The following RASSF3 variants were observed in gnomAD, a reference collection of about 807,000 sequenced individuals.
RASSF3 encodes ras association domain-containing protein 3.
A neutral mutation model predicts 19.9 loss-of-function variants in RASSF3; 19 were observed. The observed-to-expected ratio is 0.96, with a 90% CI of 0.67 to 1.40. RASSF3 has a LOEUF of 1.40. RASSF3 is among the 40% of genes most tolerant of loss of function. The pLI, the probability that RASSF3 is intolerant of heterozygous loss-of-function variation, is 0.00. For missense variants in RASSF3, 306 were observed against 289.8 expected (o/e 1.06, Z -0.41); for synonymous variants, 110 against 104.2 (o/e 1.06, Z -0.34).
intron 1 of RASSF3, among the ~76,000 whole-genome samples, chr12:64,631,871 G>A (rs1871181088): frequency 6.6e-6 from 1 of 152,034 alleles, no homozygotes; most frequent in Admixed American, 6.6e-5. Flanking sequence ...CACCATACCC[G>A]GCCTGTTTTT....
In RASSF3 at chr12:64,694,939, G is replaced by A. The variant is rs765788681; in HGVS notation, c.*27G>A. 6.2e-6 allele frequency: 10 copies of A among 1,608,854 alleles called. No individual in the cohort carries two copies. The highest frequency in any genetic ancestry group is 5.1e-5 in the Admixed American group (3 of 59,256). The stretch of plus-strand genomic sequence containing the variant: ...GCGGGGCTCCCTGCCCGTGAGGCCC[G>A]GTGCAGGACCGATGTACAAAACAGC... On this transcript the variant is annotated 3_prime_UTR_variant, in exon 5 of 5. Coordinates refer to ENST00000542104, the MANE Select transcript of RASSF3 (RefSeq NM_178169.4).
upstream of RASSF3, among the ~76,000 whole-genome samples, chr12:64,608,987 C>T (rs1334826136): frequency 2.0e-5 from 3 of 152,132 alleles, no homozygotes; most frequent in Non-Finnish European, 4.4e-5. Context: ...AAAGGCCCTC[C>T]TTCTGGAGTT....
rs1868330708 is a variant in RASSF3, at chr12:64,694,808, T to G, written c.613T>G (p.Leu205Val). The change falls in exon 5 of 5, where the codon TTG becomes GTG. Residue 205 changes from leucine to valine, a missense_variant. Transcript: ENST00000542104. ...AGAACTACAGAATTTCTTGCGCATC[T>G]TGGACAAGGAAGAAGATGAACAGCT... is the stretch of plus-strand genomic sequence containing the variant. ...LPELQNFLRILDKEEDEQLQN... is the reference protein window; with the variant it reads ...LPELQNFLRIVDKEEDEQLQN... 1 of 1,614,206 alleles carries G rather than the reference T, an allele frequency of 6.2e-7. No individual in the cohort carries two copies.
In RASSF3 at chr12:64,696,085, T is replaced by TCCTCCCTCCCTCCCTCCCTC. The variant is rs1254557437; in HGVS notation, c.*1191_*1210dup. The TCCTCCCTCCCTCCCTCCCTC allele has an allele frequency of 3.2e-5, 1 of 31,740 alleles. No homozygotes were observed. The highest frequency in any genetic ancestry group is 7.3e-5 in the Non-Finnish European group (1 of 13,642). 2.0% of individuals were successfully genotyped at this position (31,740 alleles called of 1,614,324 possible). ...TGTCTCCCACCCTACCTTGTTCTTT[T>TCCTCCCTCCCTCCCTCCCTC]CCTCCCTCCCTCCCTCCCTCCCTCC... is the stretch of plus-strand genomic sequence containing the variant. On this transcript the variant is annotated 3_prime_UTR_variant, in exon 5 of 5. Transcript: ENST00000542104.
At chr12:64,530,702 C>T (rs1868690425), upstream of RASSF3, among the ~76,000 whole-genome samples, 1 of 152,312 alleles carries the variant, frequency 6.6e-6, no homozygotes, top group South Asian at 2.1e-4. Flanking sequence ...AGAAAAAGTT[C>T]CAGTTGCTCC....
chr12:64,585,409 A>G (rs1414687249), intron 2 of RASSF3, among the ~76,000 whole-genome samples: 1 of 152,080 alleles, frequency 6.6e-6, no homozygotes, highest in Non-Finnish European at 1.5e-5. Context: ...ATCCAAGACC[A>G]TAAAGATTTC....
At position 64,510,952 on chromosome 12, in the gene RASSF3, T is replaced by C. The variant is rs115745036; in HGVS notation, c.169+3623T>C. The stretch of plus-strand genomic sequence containing the variant: ...GTGGGACTTCAGAGTCAGACCTGGC[T>C]TGTGCTACTGAGAGCTGTGTGACTT... On this transcript the variant is annotated intron_variant, in intron 1 of 5. Coordinates refer to the RASSF3 transcript ENST00000637125. Among the ~76,000 whole-genome samples the C allele has an allele frequency of 6.6e-3, 1,007 of 152,310 alleles. 14 individuals carry two copies. The highest frequency in any genetic ancestry group is 0.023 in the African/African-American group (962 of 41,558).
upstream of RASSF3, among the ~76,000 whole-genome samples, chr12:64,531,195 C>T (rs574860140): frequency 5.3e-5 from 8 of 152,246 alleles, no homozygotes; most frequent in East Asian, 3.9e-4. Context: ...TTTAGCCTTA[C>T]GATCTACTTT....
At chr12:64,679,924 G>A (rs1009401048) in intron 1 of RASSF3, among the ~76,000 whole-genome samples, 1 of 152,174 alleles carries the variant, frequency 6.6e-6, no homozygotes, top group African/African-American at 2.4e-5. Flanking sequence ...ACAGACGGCT[G>A]CGCCCCATGC....
chr12:64,516,544 G>A (rs1271329515), intron 1 of RASSF3, among the ~76,000 whole-genome samples: 4 of 150,086 alleles, frequency 2.7e-5, no homozygotes, highest in Admixed American at 1.3e-4. Flanking sequence ...GCGTGAACCC[G>A]GGAGGCGGAG....
intron 1 of RASSF3, among the ~76,000 whole-genome samples, chr12:64,616,148 C>T (rs1248555775): frequency 1.3e-5 from 2 of 152,110 alleles, no homozygotes; most frequent in Non-Finnish European, 2.9e-5. Context: ...GAGCAAGATT[C>T]ACAAAGGCAT....
intron 1 of RASSF3, among the ~76,000 whole-genome samples, chr12:64,524,791 A>G (rs1868551756): frequency 1.3e-5 from 2 of 152,174 alleles, no homozygotes; most frequent in Admixed American, 1.3e-4. Context: ...AGGACTGCAA[A>G]CTCTTATGCT....
At chr12:64,549,008 G>T (rs1028752707) in intron 2 of RASSF3, among the ~76,000 whole-genome samples, 6 of 152,092 alleles carry the variant, frequency 3.9e-5, no homozygotes, top group Non-Finnish European at 7.4e-5. Context: ...TTTCCCAAGT[G>T]GGAAAGGAAA....
chr12:64,673,343 G>A (rs1260708479), intron 1 of RASSF3, among the ~76,000 whole-genome samples: 1 of 152,144 alleles, frequency 6.6e-6, no homozygotes, highest in East Asian at 1.9e-4. Flanking sequence ...CTGGCTTCTT[G>A]GCAATCGTCT....
At chr12:64,544,032 A>C (rs1869003836), downstream of RASSF3, among the ~76,000 whole-genome samples, 3 of 152,148 alleles carry the variant, frequency 2.0e-5, no homozygotes, top group South Asian at 6.2e-4. Context: ...GGGTGGGGCC[A>C]GATAAGAGAA....
chr12:64,683,019 T>C (rs1344296348), intron 1 of RASSF3, among the ~76,000 whole-genome samples: 2 of 152,226 alleles, frequency 1.3e-5, no homozygotes, highest in Non-Finnish European at 2.9e-5. Flanking sequence ...TCTCAACTAG[T>C]TGGGTTGTCC....
intron 1 of RASSF3, among the ~76,000 whole-genome samples, chr12:64,639,381 C>G (rs1339400058): frequency 6.7e-6 from 1 of 150,342 alleles, no homozygotes; most frequent in South Asian, 2.1e-4. Flanking sequence ...TTTTGTATAT[C>G]TGTGCCCACC....
chr12:64,647,143 T>C (rs1252429944), intron 1 of RASSF3, among the ~76,000 whole-genome samples: 1 of 152,220 alleles, frequency 6.6e-6, no homozygotes, highest in East Asian at 1.9e-4. Context: ...CAATTTCTTT[T>C]ATCTTTTAAA....
chr12:64,507,188 A>T, exon 1 of RASSF3: 2 of 398,646 alleles, frequency 5.0e-6, no homozygotes, highest in Non-Finnish European at 4.4e-6. Flanking sequence ...TCATTCTGGA[A>T]CACTCCTGGT....
Sources: allele counts gnomAD v4.1 joint callset (sites outside exome capture counted in the v4.1 genomes callset), GRCh38; gene constraint gnomAD v4.1.1; transcripts MANE v1.5; gene names NCBI Gene and HGNC (gene_info 2026-07-23, HGNC 2026-07-21).